PCDHA1: variants seen among roughly 807,000 people sequenced by gnomAD.
PCDHA1 encodes the protein protocadherin alpha-1.
In PCDHA1, 42 loss-of-function variants were observed where a neutral mutation model predicts 61.3. The observed-to-expected ratio is 0.69, with a 90% CI of 0.54 to 0.89. PCDHA1 has a LOEUF of 0.89. Among genes scored for constraint, PCDHA1 ranks in the 40% least tolerant of loss-of-function variants. The pLI is 0.00. For synonymous variants in PCDHA1, 610 were observed against 553.8 expected (o/e 1.10, Z -1.43); for missense variants, 1,256 against 1,235.3 (o/e 1.02, Z -0.25).
intron 1 of PCDHA1, chr5:140,848,375 C>T: frequency 1.7e-6 from 2 of 1,165,908 alleles, no homozygotes; most frequent in Admixed American, 4.7e-5. Flanking sequence ...AGGCTCAATT[C>T]TTTTTCACTC....
At chr5:140,917,127 C>T (rs1286418907) in intron 1 of PCDHA1, among the ~76,000 whole-genome samples, 1 of 152,072 alleles carries the variant, frequency 6.6e-6, no homozygotes, top group African/African-American at 2.4e-5. Context: ...CGCAGACTCC[C>T]CACGTTGCTC....
rs1214485732 is a variant in PCDHA1, at chr5:141,010,285, C to T, written c.*348C>T. On this transcript the variant is annotated 3_prime_UTR_variant, in exon 4 of 4. Coordinates refer to ENST00000504120, the MANE Select transcript of PCDHA1 (RefSeq NM_018900.4). The stretch of plus-strand genomic sequence containing the variant: ...CTCCGGGGATCCTGTCTTGATGACA[C>T]TTGCAGGGCAGGCTGAAAAGTTTTG... The T allele has an allele frequency of 1.3e-6, 2 of 1,550,458 alleles. No homozygotes were observed. The highest frequency in any genetic ancestry group is 1.7e-6 in the Non-Finnish European group (2 of 1,146,698).
intron 3 of PCDHA1, among the ~76,000 whole-genome samples, chr5:140,985,090 A>C (rs1214396432): frequency 6.6e-6 from 1 of 152,076 alleles, no homozygotes; most frequent in Non-Finnish European, 1.5e-5. Context: ...GGCGTGTGCC[A>C]CCAAGCCTGG....
chr5:141,003,981 C>T (rs1485203944), intron 3 of PCDHA1, among the ~76,000 whole-genome samples: 9 of 152,072 alleles, frequency 5.9e-5, no homozygotes, highest in Admixed American at 2.6e-4. Flanking sequence ...GGGGACTTGC[C>T]GGAGATCCTA....
At chr5:140,962,667 C>T (rs576054969) in intron 1 of PCDHA1, among the ~76,000 whole-genome samples, 1 of 152,272 alleles carries the variant, frequency 6.6e-6, no homozygotes, top group East Asian at 1.9e-4. Flanking sequence ...TTCATCTTCC[C>T]ATCCACTGGA....
In PCDHA1 at chr5:140,875,869, T is replaced by C. The variant is rs2055890630; in HGVS notation, c.2394+87185T>C. ...GGACATTAACGACAACCCGCCGGTG[T>C]TCAGAGAAAGGGAACAAAAGGTACC... On this transcript the variant is annotated intron_variant, in intron 1 of 3. Coordinates refer to ENST00000504120, the MANE Select transcript of PCDHA1 (RefSeq NM_018900.4). 4.3e-6 allele frequency: 7 copies of C among 1,614,170 alleles called. No individual in the cohort carries two copies. The East Asian group carries it at 1.6e-4, about 36-fold the overall frequency.
At chr5:140,945,000 G>T (rs980802301) in intron 1 of PCDHA1, among the ~76,000 whole-genome samples, 2 of 151,862 alleles carry the variant, frequency 1.3e-5, no homozygotes. Flanking sequence ...AACGGTTGTG[G>T]GTCATGAATT....
chr5:140,857,730 C>A (rs782671299), intron 1 of PCDHA1: 1 of 1,597,474 alleles, frequency 6.3e-7, no homozygotes, highest in Admixed American at 1.7e-5. Context: ...AACGACAACG[C>A]TCCCGCGCTG....
At chr5:140,827,371 C>T (rs1488315949) in intron 1 of PCDHA1, among the ~76,000 whole-genome samples, 1 of 152,100 alleles carries the variant, frequency 6.6e-6, no homozygotes, top group Non-Finnish European at 1.5e-5. Context: ...AGCAAGAATC[C>T]TAATATAAGC....
chr5:140,796,848 G>A (rs782130756), intron 1 of PCDHA1: 1 of 1,614,088 alleles, frequency 6.2e-7, no homozygotes, highest in Non-Finnish European at 8.5e-7. Context: ...GGCTATACAC[G>A]GGTGAGATCA....
chr5:140,977,342 T>C (rs1554238451), intron 1 of PCDHA1, among the ~76,000 whole-genome samples: 3 of 152,222 alleles, frequency 2.0e-5, no homozygotes, highest in Non-Finnish European at 4.4e-5. Context: ...GAGACGGTGA[T>C]GATGACTGAT....
At chr5:140,987,544 A>G (rs1316604535) in intron 3 of PCDHA1, among the ~76,000 whole-genome samples, 1 of 152,180 alleles carries the variant, frequency 6.6e-6, no homozygotes, top group Non-Finnish European at 1.5e-5. Context: ...CCATTACTTA[A>G]CTTTCCTGAT....
At chr5:140,828,257 C>G (rs2150153164) in intron 1 of PCDHA1, 31 of 1,613,872 alleles carry the variant, frequency 1.9e-5, no homozygotes, top group Non-Finnish European at 2.5e-5. Context: ...GGGGCTGGAG[C>G]TGGCGGAGCT....
Position 140,949,948 on chromosome 5 carries a change from G to T in PCDHA1, c.2395-29001G>T, listed in dbSNP as rs2094436034. Among the ~76,000 whole-genome samples the T allele has an allele frequency of 2.0e-5, 3 of 151,288 alleles. No individual in the cohort carries two copies. In the South Asian group the frequency reaches 6.2e-4, roughly 31 times the overall value. On this transcript the variant is annotated intron_variant, in intron 1 of 3. Coordinates refer to ENST00000504120, the MANE Select transcript of PCDHA1 (RefSeq NM_018900.4). ...GATTTTTTTTAATTTGCATTTTTTA[G>T]TGGTTGCTGTAAGGATTACAGCATA...
chr5:140,953,316 T>G (rs782746401), intron 1 of PCDHA1, among the ~76,000 whole-genome samples: 3 of 152,138 alleles, frequency 2.0e-5, no homozygotes, highest in Non-Finnish European at 2.9e-5. Flanking sequence ...TGGGAAGAAT[T>G]TGATCATAGA....
At chr5:140,967,085 C>T in intron 1 of PCDHA1, 1 of 1,613,198 alleles carries the variant, frequency 6.2e-7, no homozygotes, top group Non-Finnish European at 8.5e-7. Context: ...GCGCATTGAT[C>T]GGGAGGCGCT....
At chr5:140,835,731 G>C (rs1554135211) in intron 1 of PCDHA1, 20 of 1,613,790 alleles carry the variant, frequency 1.2e-5, no homozygotes, top group Admixed American at 3.3e-5. Flanking sequence ...CGACGTGAAC[G>C]ACAACGCCCC....
At chr5:140,894,973 C>G (rs1297295605) in intron 1 of PCDHA1, among the ~76,000 whole-genome samples, 1 of 152,076 alleles carries the variant, frequency 6.6e-6, no homozygotes, top group Non-Finnish European at 1.5e-5. Context: ...TTTTTAATGT[C>G]TTACTTTGTG....
intron 1 of PCDHA1, among the ~76,000 whole-genome samples, chr5:140,963,621 T>C (rs1428734637): frequency 2.6e-5 from 4 of 152,334 alleles, no homozygotes; most frequent in African/African-American, 9.6e-5. Flanking sequence ...AGCTTAACTT[T>C]GTTGCATACG....
Sources: allele counts gnomAD v4.1 joint callset (sites outside exome capture counted in the v4.1 genomes callset), GRCh38; gene constraint gnomAD v4.1.1; transcripts MANE v1.5; gene names NCBI Gene and HGNC (gene_info 2026-07-23, HGNC 2026-07-21).